The following CELF4 variants were observed in gnomAD, a reference collection of about 807,000 sequenced individuals.
CELF4 encodes CUG-BP- and ETR-3-like factor 4.
CELF4 carries 18 observed loss-of-function variants against 59.9 expected under a neutral mutation model. That is an observed-to-expected ratio of 0.30 (90% CI 0.21 to 0.45). CELF4 has a LOEUF of 0.45. Among genes scored for constraint, CELF4 ranks in the 20% least tolerant of loss-of-function variants. CELF4 has a pLI of 1.00. For missense variants in CELF4, 456 were observed against 689.0 expected (o/e 0.66, Z 3.79); for synonymous variants, 261 against 267.1 (o/e 0.98, Z 0.22).
chr18:37,501,590 T>C lies in CELF4; in HGVS notation c.287-15983A>G, dbSNP rs140320024. On this transcript the variant is annotated intron_variant, in intron 1 of 12. Coordinates refer to ENST00000420428, the MANE Select transcript of CELF4 (RefSeq NM_020180.4). The stretch of plus-strand genomic sequence containing the variant: ...ACAGAGGGATATGGAGGAAGCCAGG[T>C]AAGCTGGTGTGTGGCCCAGTAACCA... 1.1e-4 allele frequency among the ~76,000 whole-genome samples: 17 copies of C among 152,316 alleles called. No homozygotes were observed. In the East Asian group the frequency reaches 3.3e-3, roughly 29 times the overall value.
At chr18:37,380,803 C>CCATCCATCCATCCATT in intron 2 of CELF4, among the ~76,000 whole-genome samples, 1 of 151,088 alleles carries the variant, frequency 6.6e-6, no homozygotes, top group South Asian at 2.1e-4. Flanking sequence ...ATCCATCCAT[C>CCATCCATCCATCCATT]CATCCATCCA....
At chr18:37,547,464 A>C (rs1557341) in intron 1 of CELF4, among the ~76,000 whole-genome samples, 79,872 of 151,904 alleles carry the variant, frequency 0.53, 24,258 homozygotes, top group Non-Finnish European at 0.67. Flanking sequence ...CCTTACCTAC[A>C]TGAGAGCTGT....
intron 2 of CELF4, among the ~76,000 whole-genome samples, chr18:37,338,796 T>TG (rs1359983324): frequency 4.7e-5 from 6 of 126,934 alleles, no homozygotes; most frequent in South Asian, 5.1e-4. Flanking sequence ...GTGTGTGTGG[T>TG]GTGTGTGATC....
At chr18:37,327,193 A>ATCTGGT (rs1387401491) in intron 2 of CELF4, among the ~76,000 whole-genome samples, 1 of 152,000 alleles carries the variant, frequency 6.6e-6, no homozygotes, top group African/African-American at 2.4e-5. Flanking sequence ...CTCCTCTTGC[A>ATCTGGT]TCTGGTTCTG....
intron 2 of CELF4, among the ~76,000 whole-genome samples, chr18:37,479,654 G>C (rs995148036): frequency 6.6e-6 from 1 of 152,058 alleles, no homozygotes; most frequent in African/African-American, 2.4e-5. Context: ...AAGGCTGGGC[G>C]ACCCCCATGA....
chr18:37,521,852 G>A (rs2099957794), intron 1 of CELF4, among the ~76,000 whole-genome samples: 1 of 152,192 alleles, frequency 6.6e-6, no homozygotes, highest in Non-Finnish European at 1.5e-5. Context: ...GAGAGCAGGG[G>A]ACACCATCTC....
intron 11 of CELF4, among the ~76,000 whole-genome samples, chr18:37,255,449 G>A (rs1220188206): frequency 6.6e-6 from 1 of 151,508 alleles, no homozygotes; most frequent in East Asian, 1.9e-4. Context: ...CAATTGGTCA[G>A]AGCTGGGCCC....
intron 1 of CELF4, among the ~76,000 whole-genome samples, chr18:37,540,426 G>A (rs1273339401): frequency 8.1e-6 from 1 of 124,074 alleles, no homozygotes; most frequent in East Asian, 2.0e-4. Flanking sequence ...ATTTGGTCAT[G>A]GCTCTGGGGG....
In CELF4 at chr18:37,474,352, T is replaced by A. The variant is rs534379845; in HGVS notation, c.369+11173A>T. Among the ~76,000 whole-genome samples the A allele has an allele frequency of 2.0e-5, 3 of 152,352 alleles. No homozygotes were observed. The South Asian group carries it at 6.2e-4, about 32-fold the overall frequency. On this transcript the variant is annotated intron_variant, in intron 2 of 12. Transcript: ENST00000420428. ...ATGCAGAGGTAGGCCAGGTGTGTGGTGACACCTCGAGGGCCACTGCCCTGC... is the reference window on the plus strand; with the variant it reads ...ATGCAGAGGTAGGCCAGGTGTGTGGAGACACCTCGAGGGCCACTGCCCTGC...
chr18:37,247,949 G>C (rs1439580241), intron 12 of CELF4, among the ~76,000 whole-genome samples: 1 of 152,204 alleles, frequency 6.6e-6, no homozygotes. Flanking sequence ...TGGGCCAGCA[G>C]GGGATGTCTG....
chr18:37,533,537 C>T (rs572561510), intron 1 of CELF4, among the ~76,000 whole-genome samples: 1 of 152,254 alleles, frequency 6.6e-6, no homozygotes, highest in East Asian at 1.9e-4. Flanking sequence ...GCTCATAAAG[C>T]AGATGAATTA....
chr18:37,350,150 G>C (rs1569567297), intron 2 of CELF4, among the ~76,000 whole-genome samples: 1 of 152,112 alleles, frequency 6.6e-6, no homozygotes. Context: ...GGGGCCTTCA[G>C]CAACCAGGGA....
chr18:37,331,591 G>C (rs2097545071), intron 2 of CELF4, among the ~76,000 whole-genome samples: 1 of 152,076 alleles, frequency 6.6e-6, no homozygotes, highest in Non-Finnish European at 1.5e-5. Context: ...TGTGCACTCG[G>C]GTCTCAGAGG....
intron 3 of CELF4, among the ~76,000 whole-genome samples, chr18:37,288,496 G>T (rs2095032007): frequency 6.6e-6 from 1 of 152,230 alleles, no homozygotes; most frequent in Non-Finnish European, 1.5e-5. Flanking sequence ...TTCTACAGAT[G>T]AGGAAACGAA....
At chr18:37,358,983 C>G (rs2098654244) in intron 2 of CELF4, among the ~76,000 whole-genome samples, 2 of 152,152 alleles carry the variant, frequency 1.3e-5, no homozygotes, top group South Asian at 4.1e-4. Flanking sequence ...TACCTGTAAT[C>G]CCAGCTACTT....
chr18:37,342,716 A>C (rs2098101157), intron 2 of CELF4, among the ~76,000 whole-genome samples: 1 of 152,218 alleles, frequency 6.6e-6, no homozygotes, highest in Non-Finnish European at 1.5e-5. Flanking sequence ...CCATGCCTCC[A>C]TGTGGGAAAG....
intron 1 of CELF4, among the ~76,000 whole-genome samples, chr18:37,486,581 G>A (rs1212851171): frequency 3.9e-5 from 6 of 152,220 alleles, no homozygotes; most frequent in Admixed American, 2.0e-4. Flanking sequence ...TGCAGATGTG[G>A]CTGAAGGTGG....
intron 1 of CELF4, among the ~76,000 whole-genome samples, chr18:37,499,779 T>C (rs2099929398): frequency 6.6e-6 from 1 of 152,194 alleles, no homozygotes; most frequent in Non-Finnish European, 1.5e-5. Flanking sequence ...TTTCCTTTTT[T>C]GTAAAGTGGG....
intron 2 of CELF4, among the ~76,000 whole-genome samples, chr18:37,440,838 G>C (rs2099710506): frequency 6.6e-6 from 1 of 152,058 alleles, no homozygotes; most frequent in South Asian, 2.1e-4. Flanking sequence ...ATCCTCCAAG[G>C]ACCTTGGACA....
Sources: gnomAD v4.1 joint callset for allele counts (sites outside exome capture counted in the v4.1 genomes callset) on GRCh38, gnomAD v4.1.1 for gene constraint, MANE v1.5 for transcripts, NCBI Gene and HGNC (gene_info 2026-07-23, HGNC 2026-07-21) for gene names.